The following ATRX variants were observed in gnomAD, a reference collection of about 807,000 sequenced individuals.
ATRX encodes ATRX chromatin remodeler.
Under a neutral mutation model 172.6 loss-of-function variants are expected in ATRX, and 12 were observed. That is an observed-to-expected ratio of 0.07 (90% CI 0.04 to 0.11). The LOEUF is 0.11. Ranked by LOEUF, ATRX falls within the 10% of genes least tolerant of loss-of-function variation. The pLI, the probability that ATRX is intolerant of heterozygous loss-of-function variation, is 1.00. For missense variants in ATRX, 1,368 were observed against 1,767.4 expected (o/e 0.77, Z 4.05); for synonymous variants, 674 against 594.7 (o/e 1.13, Z -1.94).
chrX:77,648,921 C>A (rs1164135295), intron 15 of ATRX, among the ~76,000 whole-genome samples: 2 of 110,965 alleles, frequency 1.8e-5, no homozygotes, highest in African/African-American at 6.6e-5. Flanking sequence ...ATAGTCACAG[C>A]ACTTTGGGAG....
At chrX:77,648,383 A>C (rs1336991133) in intron 15 of ATRX, among the ~76,000 whole-genome samples, 1 of 111,572 alleles carries the variant, frequency 9.0e-6, no homozygotes, top group African/African-American at 3.3e-5. Flanking sequence ...AGAGCAGAGT[A>C]AAAATGAACA....
chrX:77,535,704 A>G (rs1480875906), intron 30 of ATRX, among the ~76,000 whole-genome samples: 1 of 111,143 alleles, frequency 9.0e-6, no homozygotes. Context: ...GAAAGCAGCT[A>G]TTTAGCAGTT....
At chrX:77,568,821 A>G (rs180855442) in intron 28 of ATRX, among the ~76,000 whole-genome samples, 63 of 112,081 alleles carry the variant, frequency 5.6e-4, no homozygotes, top group African/African-American at 2.0e-3. Flanking sequence ...CAATCTACAT[A>G]GCACACCATA....
intron 1 of ATRX, among the ~76,000 whole-genome samples, chrX:77,740,077 A>ATT (rs1557181316): frequency 2.0e-4 from 11 of 55,234 alleles, no homozygotes; most frequent in Non-Finnish European, 2.9e-4. Flanking sequence ...AAAAAAAAAA[A>ATT]TTTTTAAAAA....
intron 30 of ATRX, among the ~76,000 whole-genome samples, chrX:77,535,988 C>T (rs782460878): frequency 2.2e-4 from 24 of 109,083 alleles, no homozygotes; most frequent in African/African-American, 7.7e-4. Flanking sequence ...GATCCGCCCA[C>T]CTCAGCCTCC....
At chrX:77,681,361 A>G (rs1336952489) in intron 9 of ATRX, among the ~76,000 whole-genome samples, 159 bp downstream of exon 9, 3 of 112,215 alleles carry the variant, frequency 2.7e-5, no homozygotes, top group African/African-American at 9.7e-5. Flanking sequence ...GCATAAAAAT[A>G]AATAGGGAAA....
At chrX:77,667,295 A>ATATGTG (rs1269009251) in intron 10 of ATRX, among the ~76,000 whole-genome samples, 2 of 89,056 alleles carry the variant, frequency 2.2e-5, no homozygotes, top group African/African-American at 8.4e-5. Flanking sequence ...ACGAATAAAT[A>ATATGTG]TGTGTGTGTG....
At chrX:77,584,382 A>G (rs1477840632) in intron 27 of ATRX, among the ~76,000 whole-genome samples, 1 of 111,953 alleles carries the variant, frequency 8.9e-6, no homozygotes, top group Non-Finnish European at 1.9e-5. Flanking sequence ...AGCCAAAAGA[A>G]CAAAAGTGTA....
chrX:77,686,472 C>G (rs1438953770), intron 7 of ATRX, among the ~76,000 whole-genome samples: 1 of 111,831 alleles, frequency 8.9e-6, no homozygotes, highest in Non-Finnish European at 1.9e-5. Flanking sequence ...TCCCAGCACT[C>G]TGGGAGGACG....
At chrX:77,531,736 T>A (rs1557046455) in intron 30 of ATRX, among the ~76,000 whole-genome samples, 1 of 111,651 alleles carries the variant, frequency 9.0e-6, no homozygotes, top group South Asian at 3.8e-4. Context: ...CAAAGATGCC[T>A]TCTCTCACCA....
intron 5 of ATRX, among the ~76,000 whole-genome samples, chrX:77,695,348 T>A (rs2072131308): frequency 8.9e-6 from 1 of 111,815 alleles, no homozygotes; most frequent in Non-Finnish European, 1.9e-5. Flanking sequence ...AACAATAATA[T>A]AAACACCCAA....
At chrX:77,703,422 G>A (rs782165134) in intron 2 of ATRX, among the ~76,000 whole-genome samples, 2 of 112,712 alleles carry the variant, frequency 1.8e-5, no homozygotes, top group East Asian at 2.8e-4. Context: ...GTGCCAGCAT[G>A]GGCATCAGCT....
intron 15 of ATRX, 69 bp from the exon 16 acceptor site, chrX:77,636,125 G>A (rs1290706282): frequency 3.6e-6 from 4 of 1,123,385 alleles, no homozygotes; most frequent in Non-Finnish European, 4.9e-6. Context: ...GTCTTACCAA[G>A]GGAGATTTTC....
intron 9 of ATRX, 61 bp from the exon 10 acceptor site, chrX:77,676,359 T>A: frequency 9.1e-7 from 1 of 1,100,011 alleles, no homozygotes; most frequent in Non-Finnish European, 1.2e-6. Flanking sequence ...TAAAACCATG[T>A]AAAATAAAAC....
At chrX:77,702,874 A>G (rs1166929073) in intron 2 of ATRX, among the ~76,000 whole-genome samples, 1 of 111,040 alleles carries the variant, frequency 9.0e-6, no homozygotes, top group Non-Finnish European at 1.9e-5. Flanking sequence ...CTACAGGCAC[A>G]TGCCACCATG....
intron 15 of ATRX, among the ~76,000 whole-genome samples, chrX:77,648,624 G>A (rs2069039144): frequency 2.2e-5 from 2 of 91,250 alleles, no homozygotes; most frequent in African/African-American, 7.9e-5. Flanking sequence ...CCAAAGCTGC[G>A]TTTTTTTTTT....
In ATRX at chrX:77,682,256, T is replaced by C. The variant is rs1433219458; in HGVS notation, c.3000A>G (p.Lys1000=). The change falls in exon 9 of 35, where the codon AAA becomes AAG. Residue 1000 remains lysine, a synonymous_variant. Transcript: ENST00000373344. ...ACTGTTGTTCCATTTTAATTACTTT[T>C]TTCTTAAAGTCTGAAGGTTTCTTTT... The part of the protein sequence containing the change: ...EEKKKPSDFK[K]KVIKMEQQYE... 8.3e-7 allele frequency: 1 copy of C among 1,204,374 alleles called. No homozygotes were observed. The highest frequency in any genetic ancestry group is 1.8e-5 in the African/African-American group (1 of 56,876).
intron 1 of ATRX, among the ~76,000 whole-genome samples, chrX:77,727,491 T>C (rs1428622486): frequency 2.7e-5 from 3 of 111,416 alleles, no homozygotes; most frequent in African/African-American, 9.8e-5. Context: ...CACGGAATAC[T>C]ATGCAGCCAT....
At chrX:77,736,623 G>A (rs782648875) in intron 1 of ATRX, among the ~76,000 whole-genome samples, 18 of 112,631 alleles carry the variant, frequency 1.6e-4, no homozygotes, top group African/African-American at 5.5e-4. Flanking sequence ...TGGCAACAAC[G>A]TGAAATAGGA....
Sources: gnomAD v4.1 joint callset for allele counts (sites outside exome capture counted in the v4.1 genomes callset) on GRCh38, gnomAD v4.1.1 for gene constraint, MANE v1.5 for transcripts, NCBI Gene and HGNC (gene_info 2026-07-23, HGNC 2026-07-21) for gene names.